GOLGA2: variants seen among roughly 807,000 people sequenced by gnomAD.
GOLGA2 encodes the protein golgin subfamily A member 2.
In GOLGA2, 49 loss-of-function variants were observed where a neutral mutation model predicts 148.8. The ratio of observed to expected loss-of-function variants is 0.33; its 90% CI spans 0.26 to 0.42. GOLGA2 has a LOEUF of 0.42. Ranked by LOEUF, GOLGA2 falls within the 10% of genes least tolerant of loss-of-function variation. The pLI, the probability that GOLGA2 is intolerant of heterozygous loss-of-function variation, is 1.00. For missense variants in GOLGA2, 1,178 were observed against 1,304.6 expected, an observed-to-expected ratio of 0.90 and a Z score of 1.49; for synonymous variants, 501 against 511.8, an observed-to-expected ratio of 0.98 and a Z score of 0.28.
chr9:128,266,631 G>A lies in GOLGA2; in HGVS notation c.643-306C>T. 2.0e-6 allele frequency: 1 copy of A among 506,556 alleles called. No homozygotes were observed. The allele number at this position is 506,556 out of a possible 1,614,324, so 31.4% of individuals were successfully genotyped here. A position where few individuals can be genotyped will look rare whatever the true frequency, so the allele number is the denominator to read the frequency against. On this transcript the variant is annotated intron_variant, in intron 8 of 26. Transcript: ENST00000611957. The surrounding 1 kb of genome is among the most constrained non-coding windows in gnomAD (Gnocchi z 4.2). Reference sequence around the variant, plus strand: ...CCTCTGCCAGTTTGTGATTTAGAAAGGTGTAATCATTCAACAAACATTTGC... The same window carrying A: ...CCTCTGCCAGTTTGTGATTTAGAAAAGTGTAATCATTCAACAAACATTTGC...
Position 128,267,523 on chromosome 9 carries a change from A to G in GOLGA2, c.502-6T>C. Reference sequence around the variant, plus strand: ...CCATTGACACATGTCGCAGACTATAAGAGACGAGAGTGCACATGGAGATGT... The same window carrying G: ...CCATTGACACATGTCGCAGACTATAGGAGACGAGAGTGCACATGGAGATGT... On this transcript the variant is annotated splice_polypyrimidine_tract_variant and splice_region_variant and intron_variant, in intron 6 of 26. Transcript: ENST00000611957. The G allele has an allele frequency of 1.2e-6, 2 of 1,607,762 alleles. No homozygotes were observed. The highest frequency in any genetic ancestry group is 1.7e-6 in the Non-Finnish European group (2 of 1,174,174).
chr9:128,260,402 G>T lies in GOLGA2; in HGVS notation c.1758+63C>A. The T allele has an allele frequency of 1.5e-6, 2 of 1,370,852 alleles. No individual in the cohort carries two copies. Among genetic ancestry groups the T allele is most frequent in the Non-Finnish European group, 2.1e-6 (2 of 974,198 alleles). The allele number at this position is 1,370,852 out of a possible 1,614,324, so 84.9% of individuals were successfully genotyped here. On this transcript the variant is annotated intron_variant, in intron 18 of 26. Coordinates refer to ENST00000611957, the MANE Select transcript of GOLGA2 (RefSeq NM_001366244.2). The surrounding 1 kb of genome is among the most constrained non-coding windows in gnomAD (Gnocchi z 4.8). ...AGGGCTACACTGCCCCACTTTACAG[G>T]TGGGAAAACAAAGGTCTGGAGGGCT...
In GOLGA2 at chr9:128,257,507, G is replaced by A; in HGVS notation, c.2737C>T (p.Gln913Ter). Residue 913 changes from glutamine (Q) to a stop codon, truncating the protein, a stop_gained, in exon 26 of 27, where the codon CAG becomes TAG. Transcript: ENST00000611957. LOFTEE classifies it high-confidence loss of function. The surrounding 1 kb of genome is among the most constrained non-coding windows in gnomAD (Gnocchi z 8.0). ...CCCACAAGCCGTAAGACCAGCTCCTGCAGCTCCAGCAGCTTCACCTGGAGG... is the reference window on the plus strand; with the variant it reads ...CCCACAAGCCGTAAGACCAGCTCCTACAGCTCCAGCAGCTTCACCTGGAGG... ...EEMKVKLLEL[Q>*]ELVLRLVGDR... is the part of the protein sequence containing the mutation. 1 of 1,613,974 alleles carries A rather than the reference G, an allele frequency of 6.2e-7. No homozygotes were observed. The highest frequency in any genetic ancestry group is 8.5e-7 in the Non-Finnish European group (1 of 1,180,012).
Position 128,266,458 on chromosome 9 carries a change from T to C in GOLGA2, c.643-133A>G. The C allele has an allele frequency of 1.4e-6, 1 of 729,074 alleles. No homozygotes were observed. Among genetic ancestry groups the C allele is most frequent in the Non-Finnish European group, 2.4e-6 (1 of 419,772 alleles). The allele number at this position is 729,074 out of a possible 1,614,324, so 45.2% of individuals were successfully genotyped here. A position where few individuals can be genotyped will look rare whatever the true frequency, so the allele number is the denominator to read the frequency against. Reference sequence around the variant, plus strand: ...TCTCAGACCCAATGGGAACACGAACTGGTAAACTCTCCTCAGGCTCTCAAG... The same window carrying C: ...TCTCAGACCCAATGGGAACACGAACCGGTAAACTCTCCTCAGGCTCTCAAG... On this transcript the variant is annotated intron_variant, in intron 8 of 26. Coordinates refer to ENST00000611957, the MANE Select transcript of GOLGA2 (RefSeq NM_001366244.2). This position sits in a 1 kb window ranked among gnomAD's most constrained non-coding sequence, Gnocchi z 4.2.
At position 128,261,929 on chromosome 9, in the gene GOLGA2, C is replaced by T. The variant is rs1283285582; in HGVS notation, c.1135-172G>A. 1 of 588,482 alleles carries T rather than the reference C, an allele frequency of 1.7e-6. No individual in the cohort carries two copies. The highest frequency in any genetic ancestry group is 3.0e-6 in the Non-Finnish European group (1 of 331,026). The allele number at this position is 588,482 out of a possible 1,614,324, so 36.5% of individuals were successfully genotyped here. ...AATTTTAAAAAGATCTCAGGCCAGG[C>T]ATGGTGGCTGATGCCTGTAATCTCA... On this transcript the variant is annotated intron_variant, in intron 14 of 26. Coordinates refer to ENST00000611957, the MANE Select transcript of GOLGA2 (RefSeq NM_001366244.2). The surrounding 1 kb of genome is among the most constrained non-coding windows in gnomAD (Gnocchi z 5.7).
In GOLGA2 at chr9:128,267,130, C is replaced by T; in HGVS notation, c.642+64G>A. The T allele has an allele frequency of 7.0e-6, 8 of 1,137,062 alleles. No individual in the cohort carries two copies. The South Asian group carries it at 9.8e-5, about 14-fold the overall frequency. 70.4% of individuals were successfully genotyped at this position (1,137,062 alleles called of 1,614,324 possible). On this transcript the variant is annotated intron_variant, in intron 8 of 26. Transcript: ENST00000611957. ...GGCCCCCTGCCCCTTTCTTCAGGGTCCCAAGGGGAAACTGGAGCCCAGGAT... is the reference window on the plus strand; with the variant it reads ...GGCCCCCTGCCCCTTTCTTCAGGGTTCCAAGGGGAAACTGGAGCCCAGGAT...
Position 128,258,325 on chromosome 9 carries a change from C to T in GOLGA2, c.2290-127G>A. 1 of 1,135,542 alleles carries T rather than the reference C, an allele frequency of 8.8e-7. No individual in the cohort carries two copies. Among genetic ancestry groups the T allele is most frequent in the Middle Eastern group, 2.0e-4 (1 of 4,962 alleles). 70.3% of individuals were successfully genotyped at this position (1,135,542 alleles called of 1,614,324 possible). A position where few individuals can be genotyped will look rare whatever the true frequency, so the allele number is the denominator to read the frequency against. ...GTTGGTCCCAAGTGAAATGGTGTCTCACCACTGGCTCCCAGGAAAGGGGTG... is the reference window on the plus strand; with the variant it reads ...GTTGGTCCCAAGTGAAATGGTGTCTTACCACTGGCTCCCAGGAAAGGGGTG... On this transcript the variant is annotated intron_variant, in intron 22 of 26. Coordinates refer to ENST00000611957, the MANE Select transcript of GOLGA2 (RefSeq NM_001366244.2). The surrounding 1 kb of genome is among the most constrained non-coding windows in gnomAD (Gnocchi z 6.6).
chr9:128,258,511 C>A lies in GOLGA2; in HGVS notation c.2233G>T (p.Ala745Ser). Residue 745 changes from alanine (A) to serine (S), a missense_variant, in exon 22 of 27, where the codon GCA becomes TCA. Transcript: ENST00000611957. The surrounding 1 kb of genome is among the most constrained non-coding windows in gnomAD (Gnocchi z 6.6). ...ATGCTTGGCATGGGCTGAGGTACTGCCACCGCCTCCTCCTCCTCCTCCTCC... is the reference window on the plus strand; with the variant it reads ...ATGCTTGGCATGGGCTGAGGTACTGACACCGCCTCCTCCTCCTCCTCCTCC... ...DEEEEEEEAV[A>S]VPQPMPSIPE... The A allele has an allele frequency of 6.3e-7, 1 of 1,591,976 alleles. No individual in the cohort carries two copies. The highest frequency in any genetic ancestry group is 8.5e-7 in the Non-Finnish European group (1 of 1,176,052).
intron 1 of GOLGA2, chr9:128,275,232 G>T: frequency 1.7e-6 from 1 of 593,348 alleles, no homozygotes; most frequent in South Asian, 2.2e-5. Flanking sequence ...CTTCCAGCTG[G>T]AAATTTATGC....
intron 1 of GOLGA2, among the ~76,000 whole-genome samples, chr9:128,274,790 T>TTC (rs934546447): frequency 1.3e-5 from 2 of 152,188 alleles, no homozygotes; most frequent in African/African-American, 4.8e-5. Context: ...TTAATGTTTT[T>TTC]TCTCTCTCAA....
chr9:128,265,614 C>T lies in GOLGA2; in HGVS notation c.904G>A (p.Val302Ile). Residue 302 changes from valine to isoleucine, a missense_variant, in exon 12 of 27, where the codon GTC (valine) becomes ATC (isoleucine). Val to Ile is a conservative substitution (Grantham distance 29). Coordinates refer to ENST00000611957, the MANE Select transcript of GOLGA2 (RefSeq NM_001366244.2). ...TCTGCCTTCTTCTGCTGCGTGGAGA[C>T]AGCAGAGAGAGCCCGCTCCAACTCT... ...VGELERALSA[V>I]STQQKKADRY... 1.2e-6 allele frequency: 2 copies of T among 1,613,538 alleles called. No homozygotes were observed. The highest frequency in any genetic ancestry group is 1.7e-6 in the Non-Finnish European group (2 of 1,179,756).
chr9:128,273,383 A>G (rs552943645), intron 2 of GOLGA2, among the ~76,000 whole-genome samples: 1 of 152,322 alleles, frequency 6.6e-6, no homozygotes, highest in African/African-American at 2.4e-5. Flanking sequence ...AGATGAACTC[A>G]AAAGTTAGAT....
In GOLGA2 at chr9:128,259,249, T is replaced by C; in HGVS notation, c.2015A>G (p.Gln672Arg). The part of the protein sequence containing the change: ...VLHNQLLLQT[Q>R]LVDQLQQQEA... ...CTGCTGCTGCAGCTGGTCCACGAGCTGGGTCTGCAGCAGTAGCTGATTATG... is the reference window on the plus strand; with the variant it reads ...CTGCTGCTGCAGCTGGTCCACGAGCCGGGTCTGCAGCAGTAGCTGATTATG... The change falls in exon 20 of 27, where the codon CAG (glutamine) becomes CGG (arginine). Residue 672 changes from glutamine to arginine, a missense_variant. Around this residue, in one of 5 missense-constraint regions of GOLGA2, gnomAD observed 529 missense variants for 521.8 expected, o/e 1.01. Coordinates refer to ENST00000611957, the MANE Select transcript of GOLGA2 (RefSeq NM_001366244.2). The C allele has an allele frequency of 6.2e-7, 1 of 1,604,348 alleles. No individual in the cohort carries two copies.
Position 128,257,398 on chromosome 9 carries a change from T to TG in GOLGA2, c.2845dup (p.Gln949ProfsTer11). ...CTGCTGGTTGGCAGCCCCAAGTTCC[T>TG]GGGGGGCTGGGGCCCCTGAAGTGGG... On this transcript the variant is annotated frameshift_variant, in exon 26 of 27. Transcript: ENST00000611957. LOFTEE classifies it high-confidence loss of function. This position sits in a 1 kb window ranked among gnomAD's most constrained non-coding sequence, Gnocchi z 8.0. 1.9e-6 allele frequency: 3 copies of TG among 1,612,920 alleles called. No homozygotes were observed. Among genetic ancestry groups the TG allele is most frequent in the Non-Finnish European group, 2.5e-6 (3 of 1,179,946 alleles).
In GOLGA2 at chr9:128,258,263, G is replaced by A. The variant is rs1211926287; in HGVS notation, c.2290-65C>T. 7.6e-7 allele frequency: 1 copy of A among 1,318,718 alleles called. No individual in the cohort carries two copies. The highest frequency in any genetic ancestry group is 1.1e-6 in the Non-Finnish European group (1 of 946,922). 81.7% of individuals were successfully genotyped at this position (1,318,718 alleles called of 1,614,324 possible). A position where few individuals can be genotyped will look rare whatever the true frequency, so the allele number is the denominator to read the frequency against. The stretch of plus-strand genomic sequence containing the variant: ...AGGATGAACAGGGCAGGGAGGTAGA[G>A]AGCAGCCCTTCCCTTGGGGCCTCAG... On this transcript the variant is annotated intron_variant, in intron 22 of 26. Coordinates refer to ENST00000611957, the MANE Select transcript of GOLGA2 (RefSeq NM_001366244.2). The surrounding 1 kb of genome is among the most constrained non-coding windows in gnomAD (Gnocchi z 6.6).
At position 128,265,698 on chromosome 9, in the gene GOLGA2, TGA is replaced by T. The variant is rs1830551007; in HGVS notation, c.827-9_827-8del. 6 of 1,612,794 alleles carry T rather than the reference TGA, an allele frequency of 3.7e-6. No homozygotes were observed. Among genetic ancestry groups the T allele is most frequent in the African/African-American group, 1.3e-5 (1 of 74,888 alleles). ...GCCAGATCTTCAGACTCTCCTGGAA[TGA>T]GAGAGGTTGAGATGGGGCCCAAAGG... On this transcript the variant is annotated splice_region_variant and splice_polypyrimidine_tract_variant and intron_variant, in intron 11 of 26. Transcript: ENST00000611957.
In GOLGA2 at chr9:128,266,244, A is replaced by C; in HGVS notation, c.681+43T>G. ...GGCCTCTACATTTGAATGCCCCCCA[A>C]ACCCAGCAGTCATGTTGTGAGCAAA... is the stretch of plus-strand genomic sequence containing the variant. On this transcript the variant is annotated intron_variant, in intron 9 of 26. Transcript: ENST00000611957. This position sits in a 1 kb window ranked among gnomAD's most constrained non-coding sequence, Gnocchi z 4.2. 6.4e-7 allele frequency: 1 copy of C among 1,568,976 alleles called. No homozygotes were observed. Among genetic ancestry groups the C allele is most frequent in the Non-Finnish European group, 8.8e-7 (1 of 1,139,364 alleles).
In GOLGA2 at chr9:128,260,797, G is replaced by T. The variant is rs1380557580; in HGVS notation, c.1426C>A (p.Pro476Thr). 1 of 1,598,998 alleles carries T rather than the reference G, an allele frequency of 6.3e-7. No homozygotes were observed. The highest frequency in any genetic ancestry group is 1.7e-5 in the Admixed American group (1 of 59,230). Residue 476 changes from proline to threonine, a missense_variant, in exon 18 of 27, where the codon CCC (proline) becomes ACC (threonine). Pro to Thr is a conservative substitution (Grantham distance 38, BLOSUM62 -1). Coordinates refer to ENST00000611957, the MANE Select transcript of GOLGA2 (RefSeq NM_001366244.2). The surrounding 1 kb of genome is among the most constrained non-coding windows in gnomAD (Gnocchi z 4.8). ...CCTGCTGGGGGCTCTGGGGGCGGGG[G>T]TTCAGCTGAGAAAGGACGCAGACAA... ...LAELRNQMAE[P>T]PPPEPPAGPS...
At position 128,272,948 on chromosome 9, in the gene GOLGA2, G is replaced by A. The variant is rs147043581; in HGVS notation, c.208-83C>T. ...GAGAGAGGCAAGAAAGTCAGGGAAG[G>A]AGGAAGATGTGGGTTCAGGGAAATG... On this transcript the variant is annotated intron_variant, in intron 2 of 26. Coordinates refer to ENST00000611957, the MANE Select transcript of GOLGA2 (RefSeq NM_001366244.2). 9.2e-5 allele frequency: 41 copies of A among 443,610 alleles called. 1 individual carries two copies. The highest frequency in any genetic ancestry group is 5.8e-4 in the Admixed American group (20 of 34,726). The allele number at this position is 443,610 out of a possible 1,614,324, so 27.5% of individuals were successfully genotyped here. A position where few individuals can be genotyped will look rare whatever the true frequency, so the allele number is the denominator to read the frequency against.
Sources: gnomAD v4.1 joint callset for allele counts (sites outside exome capture counted in the v4.1 genomes callset) on GRCh38, gnomAD v4.1.1 for gene constraint, gnomAD v4.1.1 regional missense constraint, Gnocchi (gnomAD v3.1) non-coding constraint, MANE v1.5 for transcripts, NCBI Gene and HGNC (gene_info 2026-07-23, HGNC 2026-07-21) for gene names.